CNOT4: variants seen among roughly 807,000 people sequenced by gnomAD.
The protein encoded by CNOT4 is CCR4-associated factor 4.
Under a neutral mutation model 73.8 loss-of-function variants are expected in CNOT4, and 8 were observed. The observed-to-expected ratio is 0.11, with a 90% CI of 0.06 to 0.20. The LOEUF (loss-of-function observed/expected upper bound fraction) is 0.20, where lower values mean the gene tolerates loss of function less well. CNOT4 is among the 10% of genes least tolerant of loss of function. The probability of loss-of-function intolerance (pLI) is 1.00; values close to 1 mark genes in which losing one functional copy is unlikely to be tolerated. For synonymous variants in CNOT4, 293 were observed against 321.1 expected, an observed-to-expected ratio of 0.91 and a Z score of 0.94; for missense variants, 564 against 883.4, an observed-to-expected ratio of 0.64 and a Z score of 4.58.
Position 135,438,212 on chromosome 7 carries a change from A to G in CNOT4, c.120T>C (p.Phe40=). The G allele has an allele frequency of 6.2e-7, 1 of 1,611,162 alleles. No individual in the cohort carries two copies. The highest frequency in any genetic ancestry group is 8.5e-7 in the Non-Finnish European group (1 of 1,177,264). The part of the protein sequence containing the change: ...PCTCGYQICR[F]CWHRIRTDEN... ...CATCAGTGCGAATTCGATGCCAACA[A>G]AATCGGCAAATCTGGTAGCCACAGG... The change falls in exon 2 of 12, where the codon TTT becomes TTC. Residue 40 remains phenylalanine (F), a synonymous_variant. Coordinates refer to ENST00000541284, the MANE Select transcript of CNOT4 (RefSeq NM_001190850.2).
At chr7:135,452,222 G>C (rs1800215741) in intron 1 of CNOT4, among the ~76,000 whole-genome samples, 1 of 152,148 alleles carries the variant, frequency 6.6e-6, no homozygotes, top group Non-Finnish European at 1.5e-5. Flanking sequence ...CTGGGTGACA[G>C]AGTAAGAACC....
intron 10 of CNOT4, among the ~76,000 whole-genome samples, chr7:135,371,748 T>C (rs1795213712): frequency 6.6e-6 from 1 of 152,038 alleles, no homozygotes; most frequent in African/African-American, 2.4e-5. Flanking sequence ...TGTGCAAAGT[T>C]ATATAAAAAA....
At chr7:135,380,798 A>G (rs1271248734) in intron 10 of CNOT4, among the ~76,000 whole-genome samples, 1 of 152,198 alleles carries the variant, frequency 6.6e-6, no homozygotes, top group African/African-American at 2.4e-5. Context: ...AATCCTTCGG[A>G]GCCTTGTTTA....
chr7:135,477,225 G>C, intron 1 of CNOT4, among the ~76,000 whole-genome samples: 1 of 149,950 alleles, frequency 6.7e-6, no homozygotes, highest in Admixed American at 6.6e-5. Context: ...TGCCCATAGT[G>C]CCAGCTACTC....
At chr7:135,433,432 C>T (rs1255137686) in intron 2 of CNOT4, among the ~76,000 whole-genome samples, 1 of 146,574 alleles carries the variant, frequency 6.8e-6, no homozygotes, top group African/African-American at 2.5e-5. Context: ...ACATGGCTCA[C>T]TGTAGCTTCA....
chr7:135,439,273 G>A (rs1038645350), intron 1 of CNOT4, among the ~76,000 whole-genome samples: 3 of 152,010 alleles, frequency 2.0e-5, no homozygotes, highest in South Asian at 2.1e-4. Context: ...CCAAAATCAC[G>A]GTGGTAATTT....
chr7:135,417,763 C>A (rs1797949070), intron 3 of CNOT4, among the ~76,000 whole-genome samples: 1 of 152,200 alleles, frequency 6.6e-6, no homozygotes, highest in Non-Finnish European at 1.5e-5. Context: ...TTACCACTTA[C>A]CTTGGCACCT....
chr7:135,418,685 T>C (rs1421786942), intron 3 of CNOT4, among the ~76,000 whole-genome samples: 4 of 152,294 alleles, frequency 2.6e-5, no homozygotes, highest in African/African-American at 9.6e-5. Flanking sequence ...AAATGTTGTG[T>C]CTTTAAAGTC....
intron 10 of CNOT4, among the ~76,000 whole-genome samples, chr7:135,393,530 T>TA (rs1267410867): frequency 2.6e-5 from 4 of 151,754 alleles, no homozygotes; most frequent in African/African-American, 9.7e-5. Context: ...TAATTATCAT[T>TA]AAAAAAATTT....
chr7:135,452,378 T>C (rs1800228446), intron 1 of CNOT4, among the ~76,000 whole-genome samples: 1 of 152,200 alleles, frequency 6.6e-6, no homozygotes, highest in East Asian at 1.9e-4. Flanking sequence ...GAGACCAGCC[T>C]GGCCAACATG....
At chr7:135,439,519 C>T (rs944613363) in intron 1 of CNOT4, among the ~76,000 whole-genome samples, 4 of 152,176 alleles carry the variant, frequency 2.6e-5, no homozygotes, top group African/African-American at 7.2e-5. Flanking sequence ...AATCCCAGCA[C>T]TTTGAGAGGC....
At chr7:135,396,107 C>CTTTTTTTTTTTTTTTTT (rs71174519) in intron 8 of CNOT4, among the ~76,000 whole-genome samples, 1 of 95,432 alleles carries the variant, frequency 1.0e-5, no homozygotes, top group African/African-American at 4.6e-5. Context: ...ACTAGTCTCC[C>CTTTTTTTTTTTTTTTTT]TTTTTTTTTT....
chr7:135,368,372 T>C (rs1363812048), intron 10 of CNOT4, among the ~76,000 whole-genome samples: 1 of 152,032 alleles, frequency 6.6e-6, no homozygotes, highest in African/African-American at 2.4e-5. Context: ...AAGCTAAAAA[T>C]CAAAGCAACT....
At chr7:135,470,203 C>T (rs936563243) in intron 1 of CNOT4, among the ~76,000 whole-genome samples, 1 of 151,838 alleles carries the variant, frequency 6.6e-6, no homozygotes, top group Non-Finnish European at 1.5e-5. Context: ...AATTATGGCT[C>T]ACTGCAACCT....
chr7:135,449,496 A>C (rs1357361488), intron 1 of CNOT4, among the ~76,000 whole-genome samples: 2 of 152,238 alleles, frequency 1.3e-5, no homozygotes, highest in Non-Finnish European at 2.9e-5. Flanking sequence ...ATAAGCCCAC[A>C]TCCAGATACA....
At chr7:135,411,932 C>T (rs148224056) in intron 6 of CNOT4, among the ~76,000 whole-genome samples, 2 of 151,846 alleles carry the variant, frequency 1.3e-5, no homozygotes, top group South Asian at 4.2e-4. Context: ...CTGATTTTTG[C>T]CATAAAATTT....
Position 135,424,814 on chromosome 7 carries a change from C to A in CNOT4, c.175-2461G>T, listed in dbSNP as rs189064413. Among the ~76,000 whole-genome samples, 424 of 150,804 alleles carry A rather than the reference C, an allele frequency of 2.8e-3. 3 individuals are homozygous for A. Among genetic ancestry groups the A allele is most frequent in the East Asian group, 8.9e-3 (46 of 5,148 alleles). On this transcript the variant is annotated intron_variant, in intron 2 of 11. Coordinates refer to ENST00000541284, the MANE Select transcript of CNOT4 (RefSeq NM_001190850.2). ...AAAAACAAACAAACAAACAAACAAA[C>A]AAAAAAAAACAAACAAGTTCATTTG... is the stretch of plus-strand genomic sequence containing the variant.
intron 10 of CNOT4, among the ~76,000 whole-genome samples, chr7:135,373,846 A>G (rs968453764): frequency 6.6e-6 from 1 of 152,052 alleles, no homozygotes; most frequent in Non-Finnish European, 1.5e-5. Flanking sequence ...CTCCCAAAGC[A>G]CTGGGATTAC....
rs144207922 is a variant in CNOT4, at chr7:135,506,993, C to T, written c.-93+2896G>A. On this transcript the variant is annotated intron_variant, in intron 1 of 11. Transcript: ENST00000541284. ...AGGGAGGTGAAAAAAGGGAAGATTT[C>T]TAAATCCAAACTGCTTAAACTGATA... is the stretch of plus-strand genomic sequence containing the variant. 4.5e-3 allele frequency among the ~76,000 whole-genome samples: 680 copies of T among 152,204 alleles called. 9 individuals are homozygous for T. Among genetic ancestry groups the T allele is most frequent in the African/African-American group, 0.016 (654 of 41,526 alleles).
Sources: gnomAD v4.1 joint callset for allele counts (sites outside exome capture counted in the v4.1 genomes callset) on GRCh38, gnomAD v4.1.1 for gene constraint, MANE v1.5 for transcripts, NCBI Gene and HGNC (gene_info 2026-07-23, HGNC 2026-07-21) for gene names.